Variants in MYO16 observed in about 807,000 individuals in gnomAD.
The protein encoded by MYO16 is myosin XVI.
Under a neutral mutation model 205.3 loss-of-function variants are expected in MYO16, and 94 were observed. That is an observed-to-expected ratio of 0.46 (90% CI 0.39 to 0.54). The LOEUF (loss-of-function observed/expected upper bound fraction) is 0.54, where lower values mean the gene tolerates loss of function less well. MYO16 is among the 20% of genes least tolerant of loss of function. MYO16 has a pLI of 0.00. For synonymous variants in MYO16, 988 were observed against 954.0 expected (o/e 1.04, Z -0.66); for missense variants, 2,315 against 2,387.5 (o/e 0.97, Z 0.63).
chr13:108,858,903 G>A (rs1878323669), intron 11 of MYO16, among the ~76,000 whole-genome samples: 1 of 152,122 alleles, frequency 6.6e-6, no homozygotes, highest in Non-Finnish European at 1.5e-5. Flanking sequence ...CACATTGCTG[G>A]CCTTGGTGTC....
chr13:108,562,701 C>T, the MYO16 span, among the ~76,000 whole-genome samples: 6 of 152,022 alleles, frequency 3.9e-5, no homozygotes, highest in African/African-American at 1.2e-4. Context: ...TTTACTGTAC[C>T]TTTTATATGT....
the MYO16 span, among the ~76,000 whole-genome samples, chr13:108,497,077 T>C: frequency 3.3e-5 from 5 of 152,186 alleles, no homozygotes; most frequent in African/African-American, 1.2e-4. Context: ...CTGCGGTCTA[T>C]CCATGCATCT....
At chr13:109,115,245 A>C (rs1875619485) in intron 28 of MYO16, among the ~76,000 whole-genome samples, 4 of 45,792 alleles carry the variant, frequency 8.7e-5, no homozygotes, top group Non-Finnish European at 5.2e-5. Flanking sequence ...CACCTCTCAA[A>C]AAAAAAAAAA....
At chr13:109,118,415 G>A (rs56089060) in intron 28 of MYO16, among the ~76,000 whole-genome samples, 1 of 152,188 alleles carries the variant, frequency 6.6e-6, no homozygotes, top group African/African-American at 2.4e-5. Flanking sequence ...CTCCTGCTGA[G>A]GGTCTCCACT....
chr13:108,970,673 C>G (rs1883974238), intron 20 of MYO16, among the ~76,000 whole-genome samples: 1 of 152,150 alleles, frequency 6.6e-6, no homozygotes, highest in Non-Finnish European at 1.5e-5. Context: ...TGTCACTGAC[C>G]CTTTCTCTTC....
chr13:108,679,050 A>G (rs890352500), intron 2 of MYO16, among the ~76,000 whole-genome samples: 1 of 152,156 alleles, frequency 6.6e-6, no homozygotes, highest in Admixed American at 6.5e-5. Flanking sequence ...CTACCCACAG[A>G]AAACCCCAGG....
At chr13:109,133,058 G>T (rs988194595) in intron 31 of MYO16, among the ~76,000 whole-genome samples, 3 of 152,164 alleles carry the variant, frequency 2.0e-5, no homozygotes. Flanking sequence ...GAAGGCAATG[G>T]TATTGCCTGA....
At chr13:108,689,321 A>G (rs543151493) in intron 2 of MYO16, among the ~76,000 whole-genome samples, 25 of 152,278 alleles carry the variant, frequency 1.6e-4, no homozygotes, top group African/African-American at 5.0e-4. Context: ...ACATTAAAAT[A>G]CATTAAATAG....
At chr13:108,810,385 T>C (rs75767551) in intron 7 of MYO16, among the ~76,000 whole-genome samples, 3,153 of 152,224 alleles carry the variant, frequency 0.021, 103 homozygotes, top group African/African-American at 0.07. Context: ...AAACTGGAAA[T>C]ATTGAGTGTA....
chr13:108,589,997 T>G, the MYO16 span, among the ~76,000 whole-genome samples: 61 of 152,324 alleles, frequency 4.0e-4, no homozygotes, highest in Non-Finnish European at 7.1e-4. Context: ...TTTGCCTTTA[T>G]TTCTAAATGT....
chr13:108,708,328 TG>T (rs1363187523), intron 2 of MYO16, among the ~76,000 whole-genome samples: 1 of 152,250 alleles, frequency 6.6e-6, no homozygotes, highest in Non-Finnish European at 1.5e-5. Flanking sequence ...GACTATCAAC[TG>T]TATGGAAATT....
intron 33 of MYO16, among the ~76,000 whole-genome samples, chr13:109,165,410 A>G (rs1035612694): frequency 2.6e-5 from 4 of 152,244 alleles, no homozygotes; most frequent in Non-Finnish European, 5.9e-5. Context: ...GGAAAATAAT[A>G]TTAAAGAAAT....
chr13:109,177,684 A>C (rs1490632571), intron 33 of MYO16, among the ~76,000 whole-genome samples: 1 of 151,808 alleles, frequency 6.6e-6, no homozygotes, highest in African/African-American at 2.4e-5. Flanking sequence ...TGCCCGGGTA[A>C]TTTTGTATTT....
intron 14 of MYO16, among the ~76,000 whole-genome samples, chr13:108,889,304 A>G (rs2139183242): frequency 6.6e-6 from 1 of 152,354 alleles, no homozygotes; most frequent in South Asian, 2.1e-4. Context: ...TCATTCTAAA[A>G]TATGACCGTG....
chr13:108,851,916 T>C (rs1432480504), intron 10 of MYO16, among the ~76,000 whole-genome samples: 1 of 152,072 alleles, frequency 6.6e-6, no homozygotes, highest in Non-Finnish European at 1.5e-5. Flanking sequence ...TTCCAGCTCC[T>C]TCAATATCCC....
intron 12 of MYO16, among the ~76,000 whole-genome samples, chr13:108,868,119 T>C (rs1476497079): frequency 6.8e-6 from 1 of 147,606 alleles, no homozygotes; most frequent in African/African-American, 2.4e-5. Flanking sequence ...GCTATGAACA[T>C]CCTCACAATT....
chr13:108,813,075 G>T (rs954590947), intron 7 of MYO16, among the ~76,000 whole-genome samples: 3 of 152,132 alleles, frequency 2.0e-5, no homozygotes, highest in Admixed American at 6.6e-5. Flanking sequence ...CTGAGGAGGG[G>T]TTGGACACGG....
At chr13:108,535,405 C>T in the MYO16 span, among the ~76,000 whole-genome samples, 4 of 152,176 alleles carry the variant, frequency 2.6e-5, no homozygotes, top group East Asian at 1.9e-4. Flanking sequence ...ATGATCATTC[C>T]GGACCAGAAT....
In MYO16 at chr13:108,959,802, G is replaced by C. The variant is rs1883512427; in HGVS notation, c.2038-1737G>C. 3.3e-5 allele frequency among the ~76,000 whole-genome samples: 5 copies of C among 152,104 alleles called. No homozygotes were observed. In the South Asian group the frequency reaches 1.0e-3, roughly 32 times the overall value. On this transcript the variant is annotated intron_variant, in intron 17 of 34. Coordinates refer to ENST00000457511, the MANE Select transcript of MYO16 (RefSeq NM_001198950.3). ...CAGCCTCCTTTCTGCTCAGGAAGGAGTTTATTTTTACTTTTGTCATAGGGT... is the reference window on the plus strand; with the variant it reads ...CAGCCTCCTTTCTGCTCAGGAAGGACTTTATTTTTACTTTTGTCATAGGGT...
Sources: gnomAD v4.1 joint callset for allele counts (sites outside exome capture counted in the v4.1 genomes callset) on GRCh38, gnomAD v4.1.1 for gene constraint, MANE v1.5 for transcripts, NCBI Gene and HGNC (gene_info 2026-07-23, HGNC 2026-07-21) for gene names.